Variants in GALNTL6 observed in about 807,000 individuals in gnomAD.
GALNTL6 encodes the protein polypeptide N-acetylgalactosaminyltransferase like 6.
GALNTL6 carries 46 observed loss-of-function variants against 73.7 expected under a neutral mutation model. The observed-to-expected ratio is 0.62, with a 90% CI of 0.49 to 0.80. The LOEUF is 0.80. GALNTL6 is among the 30% of genes least tolerant of loss of function. The pLI is 0.00. For missense variants in GALNTL6, 604 were observed against 755.0 expected, an observed-to-expected ratio of 0.80 and a Z score of 2.34; for synonymous variants, 259 against 263.7, an observed-to-expected ratio of 0.98 and a Z score of 0.17.
chr4:171,848,941 G>A (rs955897448), intron 2 of GALNTL6, among the ~76,000 whole-genome samples: 6 of 150,700 alleles, frequency 4.0e-5, no homozygotes, highest in African/African-American at 1.5e-4. Flanking sequence ...TTTTTAATTT[G>A]AATAAATGTA....
chr4:172,599,424 A>C (rs1243652667), intron 5 of GALNTL6, among the ~76,000 whole-genome samples: 1 of 152,152 alleles, frequency 6.6e-6, no homozygotes, highest in Non-Finnish European at 1.5e-5. Context: ...TAACTTGGGA[A>C]AAATATTTTA....
chr4:172,369,547 G>C (rs894145998), intron 5 of GALNTL6, among the ~76,000 whole-genome samples: 2 of 152,190 alleles, frequency 1.3e-5, no homozygotes, highest in Admixed American at 6.5e-5. Flanking sequence ...GGGAGGTTCA[G>C]GCTGCATGGG....
intron 5 of GALNTL6, among the ~76,000 whole-genome samples, chr4:172,652,726 G>A (rs1579291797): frequency 6.6e-6 from 1 of 152,060 alleles, no homozygotes; most frequent in Non-Finnish European, 1.5e-5. Context: ...TCTGAAATGG[G>A]TATTGAACTA....
chr4:171,939,804 G>C (rs998619094), intron 2 of GALNTL6, among the ~76,000 whole-genome samples: 1 of 152,012 alleles, frequency 6.6e-6, no homozygotes, highest in Admixed American at 6.6e-5. Context: ...AACAATCTTA[G>C]ATACATGACC....
intron 2 of GALNTL6, among the ~76,000 whole-genome samples, chr4:172,048,202 T>C (rs1337521507): frequency 6.6e-6 from 1 of 152,154 alleles, no homozygotes; most frequent in Admixed American, 6.6e-5. Flanking sequence ...GTGAACTGAC[T>C]ACTGCCTCAG....
chr4:172,597,193 T>A (rs558614809), intron 5 of GALNTL6, among the ~76,000 whole-genome samples: 117 of 152,284 alleles, frequency 7.7e-4, no homozygotes, highest in Non-Finnish European at 1.5e-3. Flanking sequence ...ACAAAACTAA[T>A]GGATTTGCTA....
intron 8 of GALNTL6, among the ~76,000 whole-genome samples, chr4:172,927,723 A>T (rs977081933): frequency 2.6e-5 from 4 of 152,154 alleles, no homozygotes; most frequent in Non-Finnish European, 5.9e-5. Context: ...AGGTCCTTGG[A>T]CTTTTTCACA....
At chr4:171,837,741 TTAA>T (rs949549452) in intron 2 of GALNTL6, among the ~76,000 whole-genome samples, 22 of 148,548 alleles carry the variant, frequency 1.5e-4, no homozygotes, top group Non-Finnish European at 3.0e-4. Flanking sequence ...TTTCTGAAGT[TTAA>T]GTTTAAGATT....
chr4:172,226,557 CTGTGTGTG>C (rs34352455), intron 2 of GALNTL6, among the ~76,000 whole-genome samples: 6 of 146,494 alleles, frequency 4.1e-5, no homozygotes, highest in Non-Finnish European at 7.5e-5. Flanking sequence ...GAAAGAAGTT[CTGTGTGTG>C]TGTGTGTGTG....
chr4:172,307,969 T>C (rs997937559), intron 3 of GALNTL6, among the ~76,000 whole-genome samples: 11 of 145,012 alleles, frequency 7.6e-5, no homozygotes, highest in Non-Finnish European at 1.2e-4. Flanking sequence ...ACAATATTGA[T>C]TCTACCCATC....
At chr4:172,716,973 G>A (rs1294895769) in intron 5 of GALNTL6, among the ~76,000 whole-genome samples, 1 of 152,064 alleles carries the variant, frequency 6.6e-6, no homozygotes. Flanking sequence ...TGATATAATT[G>A]ATTACAGAAT....
At chr4:172,758,098 A>G (rs1737853384) in intron 5 of GALNTL6, among the ~76,000 whole-genome samples, 1 of 152,218 alleles carries the variant, frequency 6.6e-6, no homozygotes, top group South Asian at 2.1e-4. Flanking sequence ...ATACACTTCT[A>G]GTCCATCTTT....
rs192937449 is a variant in GALNTL6, at chr4:172,124,552, A to T, written c.139-105104A>T. 1.6e-3 allele frequency among the ~76,000 whole-genome samples: 242 copies of T among 152,314 alleles called. 4 individuals carry two copies. Among genetic ancestry groups the T allele is most frequent in the Non-Finnish European group, 4.4e-4 (30 of 68,016 alleles). ...ATGACTGTAAAAGCAAAATAAAACA[A>T]ATTTAACTTTTTCAAAGTTCAGCTT... On this transcript the variant is annotated intron_variant, in intron 2 of 12. Coordinates refer to ENST00000506823, the MANE Select transcript of GALNTL6 (RefSeq NM_001034845.3).
At position 171,983,393 on chromosome 4, in the gene GALNTL6, C is replaced by T. The variant is rs115245536; in HGVS notation, c.138+168675C>T. On this transcript the variant is annotated intron_variant, in intron 2 of 12. Transcript: ENST00000506823. ...CAGAAAACTTTCAGTATCCACATAACCTGACTGAGAACTTTTCTAGAAATG... is the reference window on the plus strand; with the variant it reads ...CAGAAAACTTTCAGTATCCACATAATCTGACTGAGAACTTTTCTAGAAATG... Among the ~76,000 whole-genome samples, 625 of 152,226 alleles carry T rather than the reference C, an allele frequency of 4.1e-3. 3 individuals are homozygous for T. Among genetic ancestry groups the T allele is most frequent in the African/African-American group, 0.014 (586 of 41,538 alleles).
chr4:172,176,346 A>AAAAAAAAAAAAAAAAAAAAAAAAAG (rs1463765997), intron 2 of GALNTL6, among the ~76,000 whole-genome samples: 2 of 147,888 alleles, frequency 1.4e-5, no homozygotes, highest in Non-Finnish European at 3.0e-5. Context: ...TCAAAAAAAA[A>AAAAAAAAAAAAAAAAAAAAAAAAAG]AAAAAAAAAA....
intron 10 of GALNTL6, among the ~76,000 whole-genome samples, chr4:172,996,850 A>AT (rs11455034): frequency 0.97 from 147,804 of 152,068 alleles, 71,989 homozygotes; most frequent in Middle Eastern, 1. Flanking sequence ...TCAGAAATGG[A>AT]TTTTTTTAAG....
At chr4:172,176,098 G>A (rs563737103) in intron 2 of GALNTL6, among the ~76,000 whole-genome samples, 2 of 152,054 alleles carry the variant, frequency 1.3e-5, no homozygotes, top group Non-Finnish European at 2.9e-5. Context: ...CCAGCACTTT[G>A]GGAGGCCGAG....
chr4:172,438,782 T>G (rs959503966), intron 5 of GALNTL6, among the ~76,000 whole-genome samples: 1 of 151,988 alleles, frequency 6.6e-6, no homozygotes, highest in Non-Finnish European at 1.5e-5. Flanking sequence ...ACCTCTACAT[T>G]ATACCTTCTC....
rs188933187 is a variant in GALNTL6, at chr4:171,851,396, G to T, written c.138+36678G>T. ...TTTGACTGAATCAAGAAAGTAGAAG[G>T]TTCATTTAAACTCTGTAGAAGAACC... On this transcript the variant is annotated intron_variant, in intron 2 of 12. Transcript: ENST00000506823. Among the ~76,000 whole-genome samples the T allele has an allele frequency of 4.0e-3, 602 of 152,232 alleles. 3 individuals are homozygous for T. The highest frequency in any genetic ancestry group is 0.014 in the African/African-American group (574 of 41,542).
Sources: allele counts gnomAD v4.1 joint callset (sites outside exome capture counted in the v4.1 genomes callset), GRCh38; gene constraint gnomAD v4.1.1; transcripts MANE v1.5; gene names NCBI Gene and HGNC (gene_info 2026-07-23, HGNC 2026-07-21).